The following GUK1 variants were observed in gnomAD, a reference collection of about 807,000 sequenced individuals.
GUK1 encodes the protein guanylate kinase 1, also known as guanylate kinase.
A neutral mutation model predicts 25.2 loss-of-function variants in GUK1; 18 were observed. That is an observed-to-expected ratio of 0.71 (90% CI 0.49 to 1.06). The LOEUF is 1.06. Among genes scored for constraint, GUK1 ranks in the 50% least tolerant of loss-of-function variants. GUK1 has a pLI of 0.00. For missense variants in GUK1, 261 were observed against 276.7 expected (o/e 0.94, Z 0.40); for synonymous variants, 105 against 117.6 (o/e 0.89, Z 0.69).
intron 7 of GUK1, chr1:228,148,002 C>A: frequency 1.7e-6 from 1 of 582,542 alleles, no homozygotes; most frequent in Non-Finnish European, 3.1e-6. Flanking sequence ...CCTTCTAGCC[C>A]CGGGGGTGTC....
intron 2 of GUK1, chr1:228,141,797 T>C: frequency 1.6e-6 from 2 of 1,257,952 alleles, no homozygotes; most frequent in Admixed American, 2.6e-5. Context: ...ACCTTCCATC[T>C]CGGAGCTCCT....
upstream of GUK1, chr1:228,140,215 G>A (rs1571877318): frequency 2.8e-6 from 3 of 1,083,360 alleles, no homozygotes; most frequent in South Asian, 2.8e-5. Flanking sequence ...CGGGGCAGTC[G>A]CCTCATGACG....
At chr1:228,145,702 A>C (rs1480812426) in intron 3 of GUK1, 78 bp downstream of exon 2, 3 of 1,523,614 alleles carry the variant, frequency 2.0e-6, no homozygotes, top group African/African-American at 2.7e-5. Flanking sequence ...GCAGGCCAGG[A>C]GCCCAAACCC....
chr1:228,140,389 G>C, intron 1 of GUK1, 26 bp downstream of exon 1: 1 of 1,474,216 alleles, frequency 6.8e-7, no homozygotes, highest in Admixed American at 2.4e-5. Context: ...GCGATCGCGA[G>C]GGTGACTCGG....
intron 2 of GUK1, 71 bp from the exon 2 acceptor site, chr1:228,145,440 A>C (rs1269084856): frequency 2.8e-6 from 4 of 1,434,610 alleles, no homozygotes; most frequent in Non-Finnish European, 2.8e-6. Context: ...GAATTCAGGA[A>C]GGCAGAGGCA....
chr1:228,142,269 C>G (rs1479899206), intron 2 of GUK1, among the ~76,000 whole-genome samples: 5 of 152,284 alleles, frequency 3.3e-5, no homozygotes, highest in Admixed American at 3.3e-4. Flanking sequence ...CAGAGCCGAA[C>G]TCAGGGGACC....
In GUK1 at chr1:228,148,429, C is replaced by CG; in HGVS notation, c.535dup (p.Ala179GlyfsTer9). On this transcript the variant is annotated frameshift_variant, in exon 8 of 9. Coordinates refer to ENST00000312726, the MANE Select transcript of GUK1 (RefSeq NM_000858.7). LOFTEE classifies it high-confidence loss of function. ...TTAACGACAGCCTGGACCAGGCCTACGCAGAGCTGAAGGAGGCGCTCTCTG... is the reference window on the plus strand; with the variant it reads ...TTAACGACAGCCTGGACCAGGCCTACGGCAGAGCTGAAGGAGGCGCTCTCTG... 1 of 1,572,668 alleles carries CG rather than the reference C, an allele frequency of 6.4e-7. No individual in the cohort carries two copies.
intron 7 of GUK1, 91 bp downstream of exon 6, chr1:228,147,790 C>A: frequency 9.3e-7 from 1 of 1,071,634 alleles, no homozygotes; most frequent in Non-Finnish European, 1.4e-6. Flanking sequence ...GTCCCCAGAC[C>A]TCCTGACACC....
chr1:228,146,785 C>A, intron 4 of GUK1, 57 bp from the exon 4 acceptor site: 1 of 1,213,162 alleles, frequency 8.2e-7, no homozygotes, highest in Non-Finnish European at 1.2e-6. Context: ...GCAGCTGGCC[C>A]TGGGCACCCT....
chr1:228,148,744 C>T lies in GUK1; in HGVS notation c.*47C>T. ...ACCCCGGGCCCATACAGGACCAGGG[C>T]AGCAGCATTGAGCCACCCCCTTGGC... On this transcript the variant is annotated 3_prime_UTR_variant, in exon 9 of 9. Transcript: ENST00000312726. 6.2e-7 allele frequency: 1 copy of T among 1,611,290 alleles called. No homozygotes were observed. The highest frequency in any genetic ancestry group is 2.2e-5 in the East Asian group (1 of 44,862).
intron 2 of GUK1, chr1:228,141,579 C>A: frequency 1.0e-6 from 1 of 963,582 alleles, no homozygotes; most frequent in Non-Finnish European, 1.3e-6. Context: ...CCTCTGTTAG[C>A]ATCTCCTCGA....
chr1:228,141,633 G>T (rs1378809151), intron 2 of GUK1: 1 of 1,196,174 alleles, frequency 8.4e-7, no homozygotes, highest in South Asian at 1.6e-5. Flanking sequence ...CAGTCCTTAG[G>T]ATGGCTGGAA....
At chr1:228,140,454 G>A in intron 1 of GUK1, 91 bp downstream of exon 1, 1 of 910,730 alleles carries the variant, frequency 1.1e-6, no homozygotes, top group Non-Finnish European at 1.6e-6. Context: ...CGCCGCCTCC[G>A]GATCTCCTCC....
At chr1:228,140,148 C>T, upstream of GUK1, 1 of 636,162 alleles carries the variant, frequency 1.6e-6, no homozygotes, top group Non-Finnish European at 2.7e-6. Context: ...GCGGGGCTAG[C>T]GAGGCACTGA....
rs756344827 is a variant in GUK1, at chr1:228,147,695, G to T, written c.471G>T (p.Glu157Asp). Residue 157 changes from glutamate (E) to aspartate (D), a missense_variant, in exon 7 of 9, where the codon GAG becomes GAT. Coordinates refer to ENST00000312726, the MANE Select transcript of GUK1 (RefSeq NM_000858.7). ...TGGCTGCTGCCCAGGCCGACATGGA[G>T]AGCAGTGAGTGTGCCGTGGGATCAC... 5 of 1,612,634 alleles carry T rather than the reference G, an allele frequency of 3.1e-6. No homozygotes were observed. The highest frequency in any genetic ancestry group is 1.1e-5 in the South Asian group (1 of 91,044).
intron 7 of GUK1, chr1:228,148,096 G>A (rs2034498793): frequency 3.4e-6 from 2 of 591,074 alleles, no homozygotes; most frequent in Non-Finnish European, 6.1e-6. Context: ...TCTGCTGTGT[G>A]TGTAGAGGAT....
chr1:228,141,723 G>C, intron 2 of GUK1: 1 of 1,323,530 alleles, frequency 7.6e-7, no homozygotes, highest in South Asian at 1.2e-5. Flanking sequence ...TGGGAGCCCA[G>C]TCCAGGGAGC....
upstream of GUK1, chr1:228,140,238 G>A: frequency 7.4e-7 from 1 of 1,345,514 alleles, no homozygotes; most frequent in Non-Finnish European, 1.0e-6. Context: ...AGTCTCGCGC[G>A]CGGGCGGAGG....
At chr1:228,143,437 A>G (rs1235331633) in intron 2 of GUK1, among the ~76,000 whole-genome samples, 2 of 152,208 alleles carry the variant, frequency 1.3e-5, no homozygotes, top group African/African-American at 2.4e-5. Context: ...TCACCATAAT[A>G]CCATCAAGTC....
Sources: gnomAD v4.1 joint callset for allele counts (sites outside exome capture counted in the v4.1 genomes callset) on GRCh38, gnomAD v4.1.1 for gene constraint, MANE v1.5 for transcripts, NCBI Gene and HGNC (gene_info 2026-07-23, HGNC 2026-07-21) for gene names.